Variants in RSPH14 observed in about 807,000 individuals in gnomAD.
RSPH14 encodes radial spoke head 14 homolog, also known as rhabdoid tumor deletion region gene 1.
In RSPH14, 20 loss-of-function variants were observed where a neutral mutation model predicts 26.7. The observed-to-expected ratio is 0.75, with a 90% CI of 0.53 to 1.09. The LOEUF (loss-of-function observed/expected upper bound fraction) is 1.09. Ranked by LOEUF, RSPH14 falls within the 50% of genes least tolerant of loss-of-function variation. The pLI, the probability that RSPH14 is intolerant of heterozygous loss-of-function variation, is 0.00. For missense variants in RSPH14, 449 were observed against 457.2 expected (o/e 0.98, Z 0.16); for synonymous variants, 177 against 189.3 (o/e 0.93, Z 0.53).
At chr22:23,175,014 TCAGA>T in the RSPH14 span, among the ~76,000 whole-genome samples, 11 of 147,468 alleles carry the variant, frequency 7.5e-5, no homozygotes, top group South Asian at 2.2e-3. Context: ...TTTTTTTTTT[TCAGA>T]CAGAGTCTCG....
chr22:23,083,627 C>T (rs910414503), intron 4 of RSPH14, among the ~76,000 whole-genome samples: 2 of 152,048 alleles, frequency 1.3e-5, no homozygotes, highest in African/African-American at 4.8e-5. Context: ...CCTGGGGAAA[C>T]CACACACAAG....
chr22:23,170,056 C>T, the RSPH14 span, among the ~76,000 whole-genome samples: 1 of 149,240 alleles, frequency 6.7e-6, no homozygotes, highest in Non-Finnish European at 1.5e-5. Flanking sequence ...GAGATTGTGC[C>T]ACTGCACTCC....
At chr22:23,121,049 G>A (rs1011398048) in intron 4 of RSPH14, among the ~76,000 whole-genome samples, 2 of 152,152 alleles carry the variant, frequency 1.3e-5, no homozygotes, top group Admixed American at 6.5e-5. Context: ...AGCAGAATGT[G>A]ACATTCCTAG....
chr22:23,096,774 C>G (rs2069137460), intron 4 of RSPH14, among the ~76,000 whole-genome samples: 2 of 152,246 alleles, frequency 1.3e-5, no homozygotes, highest in South Asian at 4.1e-4. Context: ...CAGCAGCCAC[C>G]CCTGCAACCC....
the RSPH14 span, chr22:23,164,045 C>A: frequency 6.6e-6 from 1 of 152,278 alleles, no homozygotes; most frequent in African/African-American, 2.4e-5. Context: ...CAGGAAGGCC[C>A]TTCTCCCGAC....
chr22:23,159,183 G>A, the RSPH14 span: 5 of 1,611,312 alleles, frequency 3.1e-6, no homozygotes, highest in Non-Finnish European at 4.2e-6. Context: ...CATGTGAGCA[G>A]GCCGAAGCAG....
intron 4 of RSPH14, among the ~76,000 whole-genome samples, chr22:23,128,216 G>A (rs2070231457): frequency 6.6e-6 from 1 of 152,212 alleles, no homozygotes; most frequent in Non-Finnish European, 1.5e-5. Context: ...TTCAGCCACA[G>A]AACTCTCTCT....
intron 4 of RSPH14, among the ~76,000 whole-genome samples, chr22:23,084,837 C>T (rs2068774021): frequency 6.6e-6 from 1 of 152,226 alleles, no homozygotes. Flanking sequence ...TGGGCGTGGA[C>T]ACCAACCCTG....
chr22:23,096,028 G>T, intron 4 of RSPH14: 1 of 1,606,868 alleles, frequency 6.2e-7, no homozygotes, highest in Non-Finnish European at 8.5e-7. Flanking sequence ...TTGCGCTGAC[G>T]GGCCCCGCTG....
the RSPH14 span, among the ~76,000 whole-genome samples, chr22:23,179,124 C>T: frequency 6.6e-6 from 1 of 152,204 alleles, no homozygotes; most frequent in Non-Finnish European, 1.5e-5. Flanking sequence ...TGGCTACTAG[C>T]CTGGGCTCAG....
chr22:23,169,877 C>T, the RSPH14 span, among the ~76,000 whole-genome samples: 2 of 151,944 alleles, frequency 1.3e-5, no homozygotes, highest in African/African-American at 2.4e-5. Context: ...TGGAGGTGGG[C>T]GGATCGCTTG....
chr22:23,077,730 G>A (rs1195224091), intron 4 of RSPH14, among the ~76,000 whole-genome samples: 1 of 152,162 alleles, frequency 6.6e-6, no homozygotes, highest in Non-Finnish European at 1.5e-5. Flanking sequence ...TTCCCCAGAG[G>A]CAAAGCTGGG....
intron 4 of RSPH14, chr22:23,070,253 G>C (rs1207156820): frequency 4.0e-5 from 6 of 148,248 alleles, no homozygotes; most frequent in Admixed American, 2.0e-4. Flanking sequence ...CGGCGGGCGC[G>C]CGGCACCCCC....
chr22:23,118,867 G>A (rs763660487), intron 4 of RSPH14, among the ~76,000 whole-genome samples: 10 of 152,102 alleles, frequency 6.6e-5, no homozygotes, highest in Admixed American at 2.6e-4. Context: ...CCCCATGCAG[G>A]CCAGGCCAGG....
chr22:23,145,347 C>T, upstream of RSPH14: 2 of 1,600,136 alleles, frequency 1.2e-6, no homozygotes, highest in South Asian at 1.1e-5. Context: ...GCCCAGACTC[C>T]AGGCAGGTTC....
the RSPH14 span, among the ~76,000 whole-genome samples, chr22:23,170,943 G>A: frequency 1.3e-5 from 2 of 151,812 alleles, no homozygotes; most frequent in African/African-American, 4.8e-5. Flanking sequence ...GATTGGCACA[G>A]AAGTTTTAGC....
chr22:23,074,173 G>A (rs1397138079), intron 4 of RSPH14, among the ~76,000 whole-genome samples: 2 of 151,972 alleles, frequency 1.3e-5, no homozygotes, highest in Non-Finnish European at 2.9e-5. Context: ...AGAGACTGGA[G>A]CTGCCCTCCC....
intron 4 of RSPH14, chr22:23,123,175 A>G (rs1411935722): frequency 6.2e-7 from 1 of 1,613,912 alleles, no homozygotes; most frequent in Admixed American, 1.7e-5. Flanking sequence ...TTCCTGAACA[A>G]GAAGGACCTG....
At chr22:23,066,109 C>T (rs2068206326) in intron 4 of RSPH14, among the ~76,000 whole-genome samples, 1 of 152,152 alleles carries the variant, frequency 6.6e-6, no homozygotes. Context: ...ATTTGACCTT[C>T]TGTTAATTTT....
Sources: gnomAD v4.1 joint callset for allele counts (sites outside exome capture counted in the v4.1 genomes callset) on GRCh38, gnomAD v4.1.1 for gene constraint, MANE v1.5 for transcripts, NCBI Gene and HGNC (gene_info 2026-07-23, HGNC 2026-07-21) for gene names.